HUNK: variants seen among roughly 807,000 people sequenced by gnomAD.
HUNK encodes the protein hormonally up-regulated neu tumor-associated kinase.
In HUNK, 21 loss-of-function variants were observed where a neutral mutation model predicts 61.0. That is an observed-to-expected ratio of 0.34 (90% confidence interval 0.24 to 0.50). The LOEUF is 0.50. Among genes scored for constraint, HUNK ranks in the 20% least tolerant of loss-of-function variants. The probability of loss-of-function intolerance (pLI) is 0.98; values close to 1 mark genes in which losing one functional copy is unlikely to be tolerated. For synonymous variants in HUNK, 371 were observed against 386.1 expected (o/e 0.96, Z 0.46); for missense variants, 772 against 945.7 (o/e 0.82, Z 2.41).
At chr21:31,947,635 A>G (rs1157780563) in intron 4 of HUNK, among the ~76,000 whole-genome samples, 1 of 152,302 alleles carries the variant, frequency 6.6e-6, no homozygotes, top group African/African-American at 2.4e-5. Context: ...AGGAAGGGCC[A>G]CCAGGGGTAA....
At position 31,943,237 on chromosome 21, in the gene HUNK, GT is replaced by G. The variant is rs1156683979; in HGVS notation, c.611-2791del. Among the ~76,000 whole-genome samples the G allele has an allele frequency of 2.6e-5, 4 of 151,844 alleles. No homozygotes were observed. In the East Asian group the frequency reaches 5.8e-4, roughly 22 times the overall value. On this transcript the variant is annotated intron_variant, in intron 3 of 10. Transcript: ENST00000270112. ...GAGTAAGATGTGATTTAATCAGGAG[GT>G]TTTTTTTCCCTTTCAAAAAAAGCAG...
intron 6 of HUNK, 112 bp downstream of exon 6, chr21:31,968,497 T>C: frequency 8.0e-7 from 1 of 1,247,590 alleles, no homozygotes; most frequent in Non-Finnish European, 1.1e-6. Context: ...CCGCGCTCTC[T>C]CTTGGCTATC....
At chr21:31,993,650 G>A (rs1266650906) in intron 9 of HUNK, among the ~76,000 whole-genome samples, 6 of 152,204 alleles carry the variant, frequency 3.9e-5, no homozygotes, top group Non-Finnish European at 7.3e-5. Flanking sequence ...CTGGATGGGT[G>A]TGTGTCTCTG....
intron 1 of HUNK, among the ~76,000 whole-genome samples, chr21:31,911,730 C>G (rs1472877749): frequency 6.6e-6 from 1 of 151,676 alleles, no homozygotes; most frequent in Admixed American, 6.6e-5. Flanking sequence ...ATTGGCATGT[C>G]AGGAATTTTA....
chr21:31,961,561 T>C lies in HUNK; in HGVS notation c.874+2591T>C, dbSNP rs967786672. Among the ~76,000 whole-genome samples, 3 of 152,350 alleles carry C rather than the reference T, an allele frequency of 2.0e-5. No homozygotes were observed. In the East Asian group the frequency reaches 5.8e-4, roughly 29 times the overall value. Reference sequence around the variant, plus strand: ...GCATCCTTGCCAGCATTTGATGCTATTATTATTTTTTATTTTAGTTGTTCT... The same window carrying C: ...GCATCCTTGCCAGCATTTGATGCTACTATTATTTTTTATTTTAGTTGTTCT... On this transcript the variant is annotated intron_variant, in intron 5 of 10. Transcript: ENST00000270112.
chr21:31,895,780 C>G (rs754937709), intron 1 of HUNK, among the ~76,000 whole-genome samples: 1 of 152,180 alleles, frequency 6.6e-6, no homozygotes, highest in African/African-American at 2.4e-5. Context: ...CTGATCACCC[C>G]TGGTAGAGGG....
In HUNK at chr21:31,873,562, C is replaced by G; in HGVS notation, c.-113C>G. The G allele has an allele frequency of 1.2e-6, 1 of 856,298 alleles. No individual in the cohort carries two copies. The highest frequency in any genetic ancestry group is 1.4e-6 in the Non-Finnish European group (1 of 712,222). 53.0% of individuals were successfully genotyped at this position (856,298 alleles called of 1,614,324 possible). A position where few individuals can be genotyped will look rare whatever the true frequency, so the allele number is the denominator to read the frequency against. ...CGGGCTCTGGGTGCGGAGACCCAGG[C>G]GGGGCTGGGCCCAGGGCGGCGGCGG... On this transcript the variant is annotated 5_prime_UTR_variant, in exon 1 of 11. Transcript: ENST00000270112. The surrounding 1 kb of genome is among the most constrained non-coding windows in gnomAD (Gnocchi z 6.1).
intron 2 of HUNK, among the ~76,000 whole-genome samples, chr21:31,933,787 A>G (rs1601385504): frequency 6.6e-6 from 1 of 150,664 alleles, no homozygotes; most frequent in East Asian, 1.9e-4. Flanking sequence ...TCTGTCTCAA[A>G]AAAAAAAAAA....
intron 1 of HUNK, among the ~76,000 whole-genome samples, chr21:31,885,837 C>T (rs770791272): frequency 3.9e-5 from 6 of 152,090 alleles, no homozygotes; most frequent in South Asian, 2.1e-4. Flanking sequence ...CAGGTTCAAG[C>T]GATTTTCCTG....
intron 8 of HUNK, among the ~76,000 whole-genome samples, chr21:31,985,059 C>A (rs2053123600): frequency 6.6e-6 from 1 of 152,086 alleles, no homozygotes; most frequent in South Asian, 2.1e-4. Context: ...AGACTTACTA[C>A]CATGAGAACA....
intron 4 of HUNK, among the ~76,000 whole-genome samples, chr21:31,957,990 G>A (rs2052900750): frequency 6.6e-6 from 1 of 152,166 alleles, no homozygotes; most frequent in Non-Finnish European, 1.5e-5. Context: ...TCCACTGTAG[G>A]GGGCTTTTCC....
In HUNK at chr21:32,001,799, G is replaced by A. The variant is rs3576; in HGVS notation, c.*2615G>A. On this transcript the variant is annotated 3_prime_UTR_variant, in exon 11 of 11. Coordinates refer to ENST00000270112, the MANE Select transcript of HUNK (RefSeq NM_014586.2). The stretch of plus-strand genomic sequence containing the variant: ...TCCGAAGCATGTTGTCTGTTCGACC[G>A]TGACTGTCTTCCTCAGTCTGTGCCT... 0.2 allele frequency: 31,262 copies of A among 152,500 alleles called. 3,348 individuals carry two copies. Among genetic ancestry groups the A allele is most frequent in the South Asian group, 0.32 (1,531 of 4,818 alleles). 9.4% of individuals were successfully genotyped at this position (152,500 alleles called of 1,614,324 possible).
intron 4 of HUNK, among the ~76,000 whole-genome samples, chr21:31,949,838 A>G (rs938435906): frequency 5.3e-5 from 8 of 152,166 alleles, no homozygotes; most frequent in African/African-American, 1.9e-4. Flanking sequence ...CAGAGATCAC[A>G]TGGTGGGAGA....
chr21:31,888,202 C>T (rs541321737), intron 1 of HUNK, among the ~76,000 whole-genome samples: 14 of 152,278 alleles, frequency 9.2e-5, no homozygotes, highest in African/African-American at 3.4e-4. Flanking sequence ...GAAAATATTT[C>T]ATCAGAGTGT....
chr21:31,902,784 T>C (rs535868947), intron 1 of HUNK, among the ~76,000 whole-genome samples: 38 of 152,310 alleles, frequency 2.5e-4, no homozygotes, highest in African/African-American at 8.4e-4. Flanking sequence ...CTCCCAGCCA[T>C]TGGAATATTT....
intron 1 of HUNK, among the ~76,000 whole-genome samples, chr21:31,914,408 C>CAAAAAAAAAA (rs35023797): frequency 2.0e-4 from 8 of 39,844 alleles, no homozygotes; most frequent in African/African-American, 4.3e-4. Context: ...AACTCTGTCT[C>CAAAAAAAAAA]AAAAAAAAAA....
intron 7 of HUNK, among the ~76,000 whole-genome samples, chr21:31,976,241 T>C (rs1304478107): frequency 6.6e-6 from 1 of 152,160 alleles, no homozygotes; most frequent in Non-Finnish European, 1.5e-5. Flanking sequence ...GCCTTGCTCA[T>C]AGAAAGCTAC....
At chr21:31,913,964 C>T (rs891059718) in intron 1 of HUNK, among the ~76,000 whole-genome samples, 16 of 152,208 alleles carry the variant, frequency 1.1e-4, no homozygotes, top group African/African-American at 2.2e-4. Flanking sequence ...GAACCAAACA[C>T]GCAGAGCCTA....
intron 1 of HUNK, among the ~76,000 whole-genome samples, chr21:31,911,544 T>C (rs1448194570): frequency 6.6e-6 from 1 of 152,096 alleles, no homozygotes; most frequent in African/African-American, 2.4e-5. Flanking sequence ...GCAGGCATCC[T>C]CATGACGTGG....
Sources: gnomAD v4.1 joint callset for allele counts (sites outside exome capture counted in the v4.1 genomes callset) on GRCh38, gnomAD v4.1.1 for gene constraint, Gnocchi (gnomAD v3.1) non-coding constraint, MANE v1.5 for transcripts, NCBI Gene and HGNC (gene_info 2026-07-23, HGNC 2026-07-21) for gene names.